KIF6: variants seen among roughly 807,000 people sequenced by gnomAD.
KIF6 encodes kinesin-like protein KIF6.
In KIF6, 106 loss-of-function variants were observed where a neutral mutation model predicts 112.7. The observed-to-expected ratio is 0.94, with a 90% CI of 0.80 to 1.11. KIF6 has a LOEUF of 1.11. KIF6 is among the 50% of genes least tolerant of loss of function. The pLI is 0.00. For missense variants in KIF6, 929 were observed against 964.0 expected (o/e 0.96, Z 0.48); for synonymous variants, 339 against 339.9 (o/e 1.00, Z 0.03).
At chr6:39,358,189 G>A (rs957103796) in intron 18 of KIF6, among the ~76,000 whole-genome samples, 1 of 152,196 alleles carries the variant, frequency 6.6e-6, no homozygotes, top group Non-Finnish European at 1.5e-5. Flanking sequence ...CTCCTGGAAC[G>A]TGAGTGCATA....
chr6:39,452,596 A>C (rs1484493376), intron 13 of KIF6, among the ~76,000 whole-genome samples: 1 of 152,218 alleles, frequency 6.6e-6, no homozygotes, highest in Non-Finnish European at 1.5e-5. Context: ...TCTGGCACAA[A>C]AGTGACTCAT....
chr6:39,722,553 T>C (rs746657211), intron 1 of KIF6, among the ~76,000 whole-genome samples: 14 of 152,242 alleles, frequency 9.2e-5, no homozygotes, highest in African/African-American at 2.9e-4. Context: ...ATCCTTTTTA[T>C]TAATCTGTTA....
intron 19 of KIF6, among the ~76,000 whole-genome samples, chr6:39,348,802 G>A (rs1463242116): frequency 6.6e-6 from 1 of 152,146 alleles, no homozygotes; most frequent in Non-Finnish European, 1.5e-5. Context: ...GAAGACCAGC[G>A]CCCCGCTACC....
intron 13 of KIF6, among the ~76,000 whole-genome samples, chr6:39,455,070 CACAG>C (rs1554219602): frequency 6.6e-6 from 1 of 150,926 alleles, no homozygotes; most frequent in Non-Finnish European, 1.5e-5. Context: ...GGGGGCAGGG[CACAG>C]ACAAACAAAA....
At chr6:39,597,233 C>T (rs567357666) in intron 6 of KIF6, among the ~76,000 whole-genome samples, 1 of 152,248 alleles carries the variant, frequency 6.6e-6, no homozygotes, top group African/African-American at 2.4e-5. Context: ...AAATGGCATA[C>T]AGGAAAGAAA....
chr6:39,371,970 T>C (rs1380942030), intron 16 of KIF6, among the ~76,000 whole-genome samples: 1 of 152,160 alleles, frequency 6.6e-6, no homozygotes, highest in African/African-American at 2.4e-5. Context: ...CCCTTCCTTC[T>C]TTCCTCTAAT....
At chr6:39,535,515 A>C (rs1402374946) in intron 13 of KIF6, among the ~76,000 whole-genome samples, 1 of 152,254 alleles carries the variant, frequency 6.6e-6, no homozygotes, top group South Asian at 2.1e-4. Context: ...AGAGCTAACT[A>C]TCCTAAATAT....
chr6:39,450,768 G>A (rs1772648532), intron 13 of KIF6, among the ~76,000 whole-genome samples: 1 of 152,170 alleles, frequency 6.6e-6, no homozygotes, highest in South Asian at 2.1e-4. Context: ...TCGCACCACT[G>A]CACTCCAGCC....
At position 39,332,038 on chromosome 6, in the gene KIF6, C is replaced by T. The variant is rs571056187; in HGVS notation, c.*4494G>A. 8 of 151,930 alleles carry T rather than the reference C, an allele frequency of 5.3e-5. No individual in the cohort carries two copies. The highest frequency in any genetic ancestry group is 1.9e-4 in the African/African-American group (8 of 41,438). The allele number at this position is 151,930 out of a possible 1,614,324, so 9.4% of individuals were successfully genotyped here. A position where few individuals can be genotyped will look rare whatever the true frequency, so the allele number is the denominator to read the frequency against. Reference sequence around the variant, plus strand: ...TTTCGGCTCACTGTAACCTCTGCCTCCTGGGCTCAAGCAATTCTCCTGCCT... The same window carrying T: ...TTTCGGCTCACTGTAACCTCTGCCTTCTGGGCTCAAGCAATTCTCCTGCCT... On this transcript the variant is annotated 3_prime_UTR_variant, in exon 23 of 23. Transcript: ENST00000287152.
intron 13 of KIF6, among the ~76,000 whole-genome samples, chr6:39,507,325 G>A (rs1260011411): frequency 6.6e-6 from 1 of 152,156 alleles, no homozygotes; most frequent in Non-Finnish European, 1.5e-5. Flanking sequence ...CATATTTGGG[G>A]GTTAGAAGTG....
At chr6:39,711,981 C>T (rs770406578) in intron 3 of KIF6, among the ~76,000 whole-genome samples, 1 of 151,806 alleles carries the variant, frequency 6.6e-6, no homozygotes, top group Non-Finnish European at 1.5e-5. Context: ...TAAACTAGAG[C>T]TGTTGAAGTA....
At chr6:39,605,726 C>T (rs1026907741) in intron 6 of KIF6, among the ~76,000 whole-genome samples, 2 of 152,126 alleles carry the variant, frequency 1.3e-5, no homozygotes, top group Non-Finnish European at 2.9e-5. Context: ...GAAGAAAGAA[C>T]TCTAGAAGCA....
At position 39,335,107 on chromosome 6, in the gene KIF6, C is replaced by T. The variant is rs1762867159; in HGVS notation, c.*1425G>A. 1 of 152,132 alleles carries T rather than the reference C, an allele frequency of 6.6e-6. No individual in the cohort carries two copies. Among genetic ancestry groups the T allele is most frequent in the Admixed American group, 6.5e-5 (1 of 15,274 alleles). 9.4% of individuals were successfully genotyped at this position (152,132 alleles called of 1,614,324 possible). ...GAGCAAGACAAACAGGTCCCTGTTGCATTGGAGCTCTTAGTATTATGGGGG... is the reference window on the plus strand; with the variant it reads ...GAGCAAGACAAACAGGTCCCTGTTGTATTGGAGCTCTTAGTATTATGGGGG... On this transcript the variant is annotated 3_prime_UTR_variant, in exon 23 of 23. Coordinates refer to ENST00000287152, the MANE Select transcript of KIF6 (RefSeq NM_145027.6).
chr6:39,601,261 T>C (rs1782554054), intron 6 of KIF6, among the ~76,000 whole-genome samples: 1 of 152,138 alleles, frequency 6.6e-6, no homozygotes, highest in Non-Finnish European at 1.5e-5. Flanking sequence ...TCCACTTATC[T>C]GTATCTCCCC....
At chr6:39,658,156 G>A (rs1036880616) in intron 3 of KIF6, among the ~76,000 whole-genome samples, 1 of 152,130 alleles carries the variant, frequency 6.6e-6, no homozygotes, top group African/African-American at 2.4e-5. Flanking sequence ...AAAAGGTTAA[G>A]CATTGAGCTG....
chr6:39,521,505 C>T (rs1777400386), intron 13 of KIF6, among the ~76,000 whole-genome samples: 1 of 152,128 alleles, frequency 6.6e-6, no homozygotes, highest in African/African-American at 2.4e-5. Context: ...GCCCCCATCC[C>T]TAGGAGAGCT....
chr6:39,596,501 G>C (rs1339524509), intron 6 of KIF6, among the ~76,000 whole-genome samples: 3 of 152,054 alleles, frequency 2.0e-5, no homozygotes, highest in African/African-American at 7.2e-5. Flanking sequence ...TTCTAATGAG[G>C]TATAGATCAA....
chr6:39,708,194 G>A (rs1009622369), intron 3 of KIF6, among the ~76,000 whole-genome samples: 4 of 152,172 alleles, frequency 2.6e-5, no homozygotes, highest in Non-Finnish European at 5.9e-5. Flanking sequence ...ACAACTGAGA[G>A]TGTGGTACTG....
At chr6:39,686,362 T>C (rs1787869852) in intron 3 of KIF6, among the ~76,000 whole-genome samples, 1 of 152,238 alleles carries the variant, frequency 6.6e-6, no homozygotes, top group African/African-American at 2.4e-5. Flanking sequence ...TTACTTTCTG[T>C]AGGCAAAAAC....
Sources: allele counts gnomAD v4.1 joint callset (sites outside exome capture counted in the v4.1 genomes callset), GRCh38; gene constraint gnomAD v4.1.1; transcripts MANE v1.5; gene names NCBI Gene and HGNC (gene_info 2026-07-23, HGNC 2026-07-21).